PARD3: variants seen among roughly 807,000 people sequenced by gnomAD.
The protein encoded by PARD3 is partitioning defective 3 homolog.
Under a neutral mutation model 155.4 loss-of-function variants are expected in PARD3, and 75 were observed. The observed-to-expected ratio is 0.48, with a 90% CI of 0.40 to 0.58. The LOEUF (loss-of-function observed/expected upper bound fraction) is 0.58. PARD3 is among the 20% of genes least tolerant of loss of function. PARD3 has a pLI of 0.00. For missense variants in PARD3, 1,642 were observed against 1,721.7 expected, an observed-to-expected ratio of 0.95 and a Z score of 0.82; for synonymous variants, 576 against 610.5, an observed-to-expected ratio of 0.94 and a Z score of 0.83.
chr10:34,463,995 A>G (rs1448457084), intron 4 of PARD3, among the ~76,000 whole-genome samples: 3 of 152,180 alleles, frequency 2.0e-5, no homozygotes, highest in Non-Finnish European at 4.4e-5. Flanking sequence ...CAAGGATGAA[A>G]TCGCCTAACA....
chr10:34,482,867 T>C (rs1453875336), intron 3 of PARD3, among the ~76,000 whole-genome samples: 1 of 149,318 alleles, frequency 6.7e-6, no homozygotes, highest in Non-Finnish European at 1.5e-5. Context: ...AAAAAAAAAA[T>C]GCAAGGTGCA....
intron 22 of PARD3, among the ~76,000 whole-genome samples, chr10:34,140,239 T>G (rs1246751253): frequency 6.6e-6 from 1 of 152,232 alleles, no homozygotes; most frequent in Non-Finnish European, 1.5e-5. Context: ...TCCTGCCCCT[T>G]GAAGTGTTTC....
intron 22 of PARD3, among the ~76,000 whole-genome samples, chr10:34,180,250 T>C (rs1320280805): frequency 6.6e-6 from 1 of 152,188 alleles, no homozygotes; most frequent in African/African-American, 2.4e-5. Flanking sequence ...TTTCACCATG[T>C]TGGCCAGGAT....
chr10:34,547,203 A>C (rs1384512721), intron 2 of PARD3, among the ~76,000 whole-genome samples: 1 of 152,266 alleles, frequency 6.6e-6, no homozygotes, highest in East Asian at 1.9e-4. Flanking sequence ...TTCAATGAAC[A>C]TTAGCAATTA....
At chr10:34,685,375 C>T (rs574187331) in intron 2 of PARD3, among the ~76,000 whole-genome samples, 4 of 152,160 alleles carry the variant, frequency 2.6e-5, no homozygotes. Context: ...TCCTGGGCTA[C>T]ATCCACTTCA....
chr10:34,666,796 A>AAAAT (rs1358640964), intron 2 of PARD3, among the ~76,000 whole-genome samples: 4 of 66,958 alleles, frequency 6.0e-5, no homozygotes, highest in Admixed American at 1.8e-4. Flanking sequence ...AAAAAAAAAA[A>AAAAT]ATATATATAT....
intron 22 of PARD3, among the ~76,000 whole-genome samples, chr10:34,167,503 C>CA (rs1193878708): frequency 2.0e-5 from 3 of 150,168 alleles, no homozygotes; most frequent in Non-Finnish European, 4.4e-5. Context: ...AAATATGAAA[C>CA]ATTAAAAAAA....
intron 2 of PARD3, among the ~76,000 whole-genome samples, chr10:34,656,719 A>G (rs538411292): frequency 6.6e-6 from 1 of 152,306 alleles, no homozygotes; most frequent in South Asian, 2.1e-4. Flanking sequence ...TTTTCCATTA[A>G]TTATGTACAT....
intron 20 of PARD3, among the ~76,000 whole-genome samples, chr10:34,303,075 A>C (rs1460816701): frequency 2.0e-5 from 3 of 152,046 alleles, no homozygotes; most frequent in Non-Finnish European, 4.4e-5. Flanking sequence ...GTTTTAAAAA[A>C]AAAAAAAATC....
intron 3 of PARD3, among the ~76,000 whole-genome samples, chr10:34,472,308 C>T (rs1323690222): frequency 6.6e-6 from 1 of 151,952 alleles, no homozygotes; most frequent in South Asian, 2.1e-4. Context: ...TTAATTTACA[C>T]CCCCCAAAAT....
At chr10:34,259,717 C>T (rs1012571077) in intron 22 of PARD3, among the ~76,000 whole-genome samples, 1 of 152,176 alleles carries the variant, frequency 6.6e-6, no homozygotes, top group African/African-American at 2.4e-5. Flanking sequence ...TGGCAATCTA[C>T]ATCAAATGTA....
At chr10:34,167,894 G>A (rs535597178) in intron 22 of PARD3, among the ~76,000 whole-genome samples, 126 of 152,176 alleles carry the variant, frequency 8.3e-4, no homozygotes, top group Non-Finnish European at 1.5e-3. Context: ...GATACTAATT[G>A]AAATATCCAC....
chr10:34,361,971 A>G (rs1818368816), intron 12 of PARD3, among the ~76,000 whole-genome samples: 1 of 152,232 alleles, frequency 6.6e-6, no homozygotes, highest in Non-Finnish European at 1.5e-5. Flanking sequence ...TGCTCATCAT[A>G]AAAACTAGAT....
At chr10:34,802,092 A>G (rs368849362) in intron 1 of PARD3, among the ~76,000 whole-genome samples, 1 of 152,218 alleles carries the variant, frequency 6.6e-6, no homozygotes, top group African/African-American at 2.4e-5. Context: ...TTTCCTTTGA[A>G]GTAGCAGTGT....
chr10:34,792,658 G>A (rs768155403), intron 1 of PARD3, among the ~76,000 whole-genome samples: 21 of 152,210 alleles, frequency 1.4e-4, no homozygotes, highest in African/African-American at 4.3e-4. Context: ...GTCGCCACCC[G>A]CTGGAGCTGC....
chr10:34,209,298 T>C (rs1358310884), intron 22 of PARD3, among the ~76,000 whole-genome samples: 1 of 152,146 alleles, frequency 6.6e-6, no homozygotes, highest in East Asian at 1.9e-4. Flanking sequence ...TAGTTGGAGG[T>C]TGATTTGGTT....
intron 20 of PARD3, among the ~76,000 whole-genome samples, chr10:34,294,236 C>G (rs1956803141): frequency 6.6e-6 from 1 of 152,196 alleles, no homozygotes; most frequent in Admixed American, 6.5e-5. Context: ...TTATAAACAT[C>G]CACCCTCAAT....
intron 1 of PARD3, among the ~76,000 whole-genome samples, chr10:34,699,721 T>G (rs2094239120): frequency 6.6e-6 from 1 of 152,052 alleles, no homozygotes; most frequent in Non-Finnish European, 1.5e-5. Context: ...TCCCAGAACT[T>G]TAGAAGGCCA....
In PARD3 at chr10:34,814,976, AAGCACAC is replaced by A; in HGVS notation, c.13_19del (p.Val5SerfsTer15). 6.5e-7 allele frequency: 1 copy of A among 1,543,110 alleles called. No homozygotes were observed. The highest frequency in any genetic ancestry group is 8.7e-7 in the Non-Finnish European group (1 of 1,146,250). Reference sequence around the variant, plus strand: ...CGGCACGACCACCCGGGTCCGTCCGAAGCACACGGTCACTTTCATGCCGCCGCCGCCG... The same window carrying A: ...CGGCACGACCACCCGGGTCCGTCCGAGGTCACTTTCATGCCGCCGCCGCCG... On this transcript the variant is annotated frameshift_variant, in exon 1 of 25. Transcript: ENST00000374788. LOFTEE classifies it high-confidence loss of function.
Sources: allele counts gnomAD v4.1 joint callset (sites outside exome capture counted in the v4.1 genomes callset), GRCh38; gene constraint gnomAD v4.1.1; transcripts MANE v1.5; gene names NCBI Gene and HGNC (gene_info 2026-07-23, HGNC 2026-07-21).